SEMA3D: variants seen among roughly 807,000 people sequenced by gnomAD.
SEMA3D encodes the protein semaphorin-3D.
SEMA3D carries 84 observed loss-of-function variants against 100.1 expected under a neutral mutation model. The observed-to-expected ratio is 0.84, with a 90% CI of 0.70 to 1.01. The LOEUF is 1.01. Ranked by LOEUF, SEMA3D falls within the 50% of genes least tolerant of loss-of-function variation. The pLI, the probability that SEMA3D is intolerant of heterozygous loss-of-function variation, is 0.00. For missense variants in SEMA3D, 875 were observed against 934.1 expected, an observed-to-expected ratio of 0.94 and a Z score of 0.82; for synonymous variants, 312 against 320.7, an observed-to-expected ratio of 0.97 and a Z score of 0.29.
chr7:85,190,009 G>C (rs574475027), upstream of SEMA3D, among the ~76,000 whole-genome samples: 1 of 152,104 alleles, frequency 6.6e-6, no homozygotes, highest in Non-Finnish European at 1.5e-5. Context: ...CATATTGTAG[G>C]CTTCTCCAAT....
rs916970018 is a variant in SEMA3D, at chr7:84,995,881, C to T, written c.*3559G>A. The T allele has an allele frequency of 4.6e-5, 7 of 151,658 alleles. No individual in the cohort carries two copies. The highest frequency in any genetic ancestry group is 1.9e-4 in the East Asian group (1 of 5,170). The allele number at this position is 151,658 out of a possible 1,614,324, so 9.4% of individuals were successfully genotyped here. ...CTCCTAATGTATGGAATCTGGGAATCGATTTTATTTTACCTGACTTGTAAG... is the reference window on the plus strand; with the variant it reads ...CTCCTAATGTATGGAATCTGGGAATTGATTTTATTTTACCTGACTTGTAAG... On this transcript the variant is annotated 3_prime_UTR_variant, in exon 19 of 19. Coordinates refer to ENST00000284136, the MANE Select transcript of SEMA3D (RefSeq NM_001384900.1).
chr7:85,118,726 G>A (rs139982867), intron 3 of SEMA3D, among the ~76,000 whole-genome samples: 4,245 of 152,196 alleles, frequency 0.028, 100 homozygotes, highest in South Asian at 0.093. Context: ...GTTGTCTGTT[G>A]ACTCAAGCCT....
intron 9 of SEMA3D, among the ~76,000 whole-genome samples, chr7:85,051,014 A>G (rs1791148933): frequency 6.6e-6 from 1 of 151,848 alleles, no homozygotes; most frequent in Admixed American, 6.6e-5. Context: ...GTGACCAGAT[A>G]TTTACATTAT....
chr7:85,104,729 C>A (rs1788859125), intron 3 of SEMA3D, among the ~76,000 whole-genome samples: 1 of 151,466 alleles, frequency 6.6e-6, no homozygotes, highest in Non-Finnish European at 1.5e-5. Context: ...GCCAGAGATC[C>A]CGAACTGGGT....
chr7:85,042,113 C>T, intron 10 of SEMA3D, 58 bp downstream of exon 10: 1 of 1,166,156 alleles, frequency 8.6e-7, no homozygotes, highest in East Asian at 2.3e-5. Flanking sequence ...AAATAAATGC[C>T]AAGTTACTTA....
chr7:85,050,732 C>T, intron 9 of SEMA3D: 1 of 524,360 alleles, frequency 1.9e-6, no homozygotes, highest in Non-Finnish European at 3.4e-6. Flanking sequence ...TAAGATCAAT[C>T]TTCAAAGCAC....
chr7:85,223,246 T>G, the SEMA3D span, among the ~76,000 whole-genome samples: 1 of 152,086 alleles, frequency 6.6e-6, no homozygotes, highest in Non-Finnish European at 1.5e-5. Flanking sequence ...AGTATGGAGA[T>G]TCCTTAAAGC....
At chr7:85,045,472 G>C (rs10234546) in intron 9 of SEMA3D, among the ~76,000 whole-genome samples, 1,706 of 151,914 alleles carry the variant, frequency 0.011, 26 homozygotes, top group African/African-American at 0.039. Flanking sequence ...GTCGGTAATT[G>C]CTCTTACATT....
the SEMA3D span, among the ~76,000 whole-genome samples, chr7:85,224,737 A>G: frequency 1.3e-5 from 2 of 152,036 alleles, no homozygotes; most frequent in Non-Finnish European, 2.9e-5. Context: ...TACAATACTA[A>G]TAAACATATA....
intron 6 of SEMA3D, among the ~76,000 whole-genome samples, chr7:85,072,532 T>C (rs1583894902): frequency 6.6e-6 from 1 of 152,180 alleles, no homozygotes; most frequent in African/African-American, 2.4e-5. Flanking sequence ...AAGACATACA[T>C]GGAGCCCATA....
the SEMA3D span, among the ~76,000 whole-genome samples, chr7:85,200,792 A>G: frequency 1.5e-4 from 23 of 152,156 alleles, no homozygotes; most frequent in Non-Finnish European, 2.6e-4. Flanking sequence ...GCTTGGGGGA[A>G]AAAATGGTTT....
chr7:85,090,410 A>T (rs2116278287), intron 4 of SEMA3D, among the ~76,000 whole-genome samples: 1 of 152,262 alleles, frequency 6.6e-6, no homozygotes, highest in South Asian at 2.1e-4. Context: ...TAGACAGCAT[A>T]TGCTCGGCAG....
At chr7:85,010,402 G>A (rs541848383) in intron 17 of SEMA3D, among the ~76,000 whole-genome samples, 5 of 150,798 alleles carry the variant, frequency 3.3e-5, no homozygotes, top group African/African-American at 1.2e-4. Context: ...TAGTAAGTGG[G>A]GTATACAACT....
intron 2 of SEMA3D, among the ~76,000 whole-genome samples, chr7:85,125,343 A>T (rs1195497707): frequency 1.3e-5 from 2 of 151,778 alleles, no homozygotes; most frequent in Non-Finnish European, 2.9e-5. Flanking sequence ...TGAGATACCT[A>T]CTCCTCCAAC....
Position 85,027,712 on chromosome 7 carries a change from G to A in SEMA3D, c.1192-5099C>T, listed in dbSNP as rs1285153797. On this transcript the variant is annotated intron_variant, in intron 12 of 18. Transcript: ENST00000284136. ...TTTTTGATGTTTTATGCGGCTTAAT[G>A]TTTGTTTTCCCAACATAAAAGGAAT... 5 of 311,462 alleles carry A rather than the reference G, an allele frequency of 1.6e-5. No individual in the cohort carries two copies. The Admixed American group carries it at 2.2e-4, about 14-fold the overall frequency. 19.3% of individuals were successfully genotyped at this position (311,462 alleles called of 1,614,324 possible).
At chr7:85,150,796 C>T (rs67300322) in intron 2 of SEMA3D, among the ~76,000 whole-genome samples, 31,758 of 151,738 alleles carry the variant, frequency 0.21, 4,404 homozygotes, top group Non-Finnish European at 0.3. Flanking sequence ...TAACAATGCC[C>T]TTATTGTGGT....
At chr7:85,022,076 G>T (rs1790270562) in intron 13 of SEMA3D, among the ~76,000 whole-genome samples, 1 of 151,786 alleles carries the variant, frequency 6.6e-6, no homozygotes, top group African/African-American at 2.4e-5. Flanking sequence ...AGAGGGAAAG[G>T]CAAAGTTTGA....
At chr7:85,014,174 T>C (rs2115798558) in intron 16 of SEMA3D, among the ~76,000 whole-genome samples, 1 of 151,908 alleles carries the variant, frequency 6.6e-6, no homozygotes, top group South Asian at 2.1e-4. Flanking sequence ...AAGAAAAAAG[T>C]GTACTTGTGG....
chr7:85,216,355 TG>T, the SEMA3D span, among the ~76,000 whole-genome samples: 1 of 113,384 alleles, frequency 8.8e-6, no homozygotes, highest in African/African-American at 3.8e-5. Context: ...CAAATAAGAG[TG>T]TTGTGTGTGT....
Sources: allele counts gnomAD v4.1 joint callset (sites outside exome capture counted in the v4.1 genomes callset), GRCh38; gene constraint gnomAD v4.1.1; transcripts MANE v1.5; gene names NCBI Gene and HGNC (gene_info 2026-07-23, HGNC 2026-07-21).